Variants in COL19A1 observed in about 807,000 individuals in gnomAD.
COL19A1 encodes collagen alpha-1(XIX) chain.
COL19A1 carries 159 observed loss-of-function variants against 190.2 expected under a neutral mutation model. The ratio of observed to expected loss-of-function variants is 0.84; its 90% CI spans 0.73 to 0.95. The LOEUF (loss-of-function observed/expected upper bound fraction) is 0.95. Among genes scored for constraint, COL19A1 ranks in the 40% least tolerant of loss-of-function variants. The pLI is 0.00. For synonymous variants in COL19A1, 509 were observed against 458.9 expected (o/e 1.11, Z -1.39); for missense variants, 1,418 against 1,431.9 (o/e 0.99, Z 0.16).
intron 14 of COL19A1, among the ~76,000 whole-genome samples, chr6:70,061,889 TG>T (rs1780851882): frequency 1.3e-5 from 2 of 152,280 alleles, no homozygotes; most frequent in East Asian, 1.9e-4. Flanking sequence ...AATTAATACT[TG>T]TTATATTTGA....
chr6:69,991,699 T>C (rs1776634149), intron 11 of COL19A1, among the ~76,000 whole-genome samples: 2 of 152,084 alleles, frequency 1.3e-5, no homozygotes, highest in African/African-American at 4.8e-5. Flanking sequence ...TTAAGAAGTG[T>C]CCTGTTCACG....
intron 4 of COL19A1, among the ~76,000 whole-genome samples, chr6:69,905,471 G>C (rs1470420794): frequency 1.3e-5 from 2 of 152,050 alleles, no homozygotes; most frequent in South Asian, 2.1e-4. Context: ...GCCGTGTCCT[G>C]GCTCCCCGCT....
At chr6:69,956,622 T>C (rs1409576135) in intron 9 of COL19A1, among the ~76,000 whole-genome samples, 2 of 152,090 alleles carry the variant, frequency 1.3e-5, no homozygotes, top group East Asian at 3.9e-4. Context: ...GTCAGTAATG[T>C]AGAGGTCACC....
intron 39 of COL19A1, 110 bp downstream of exon 39, chr6:70,168,325 C>A: frequency 2.8e-6 from 3 of 1,054,970 alleles, no homozygotes; most frequent in Non-Finnish European, 2.8e-6. Flanking sequence ...TGAATACAGC[C>A]AAATTTTACA....
At position 70,149,890 on chromosome 6, in the gene COL19A1, A is replaced by T. The variant is rs772462484; in HGVS notation, c.1969A>T (p.Thr657Ser). Residue 657 changes from threonine to serine, a missense_variant, in exon 29 of 51, where the codon ACT (threonine) becomes TCT (serine). Coordinates refer to ENST00000620364, the MANE Select transcript of COL19A1 (RefSeq NM_001858.6). ...GLPGLPGTPGTPGNDGVPGRD... is the reference protein window; with the variant it reads ...GLPGLPGTPGSPGNDGVPGRD... ...CCCTGGGTTGCCAGGAACTCCAGGGACTCCAGGGAATGATGTAAGGACTTT... is the reference window on the plus strand; with the variant it reads ...CCCTGGGTTGCCAGGAACTCCAGGGTCTCCAGGGAATGATGTAAGGACTTT... 6.2e-7 allele frequency: 1 copy of T among 1,613,382 alleles called. No homozygotes were observed. Among genetic ancestry groups the T allele is most frequent in the Non-Finnish European group, 8.5e-7 (1 of 1,179,726 alleles).
intron 15 of COL19A1, among the ~76,000 whole-genome samples, chr6:70,071,750 G>A (rs1348516134): frequency 6.6e-6 from 1 of 152,026 alleles, no homozygotes; most frequent in Non-Finnish European, 1.5e-5. Context: ...GGCATTGGGG[G>A]TTGGGGGCCT....
intron 14 of COL19A1, among the ~76,000 whole-genome samples, chr6:70,055,396 A>T (rs1431331490): frequency 1.6e-5 from 2 of 127,784 alleles, no homozygotes; most frequent in African/African-American, 4.1e-5. Flanking sequence ...TTGTAATAGT[A>T]AAAAAAAAAA....
intron 17 of COL19A1, among the ~76,000 whole-genome samples, chr6:70,126,601 G>T (rs569021351): frequency 6.6e-6 from 1 of 152,338 alleles, no homozygotes; most frequent in South Asian, 2.1e-4. Flanking sequence ...GTTCGGCTTT[G>T]AGCCAGCCTT....
intron 9 of COL19A1, among the ~76,000 whole-genome samples, chr6:69,955,259 G>C (rs557485237): frequency 6.6e-6 from 1 of 152,070 alleles, no homozygotes; most frequent in Admixed American, 6.6e-5. Context: ...TAATTCTCTA[G>C]CTTTGCTATG....
intron 16 of COL19A1, among the ~76,000 whole-genome samples, chr6:70,116,401 G>A (rs1405015919): frequency 6.6e-6 from 1 of 152,192 alleles, no homozygotes; most frequent in Non-Finnish European, 1.5e-5. Context: ...AGATACTGCA[G>A]ACTGTAGTGT....
intron 13 of COL19A1, 133 bp downstream of exon 13, chr6:70,034,431 A>G (rs1779235159): frequency 4.5e-6 from 3 of 665,012 alleles, no homozygotes; most frequent in Admixed American, 2.5e-5. Flanking sequence ...CCTTAATAGC[A>G]TCTGAATAAG....
At chr6:70,177,181 C>T (rs1233337322) in intron 42 of COL19A1, among the ~76,000 whole-genome samples, 2 of 152,138 alleles carry the variant, frequency 1.3e-5, no homozygotes, top group South Asian at 2.1e-4. Flanking sequence ...GATCTTCATT[C>T]ATGATGCTCT....
intron 48 of COL19A1, among the ~76,000 whole-genome samples, chr6:70,196,059 T>C (rs976531292): frequency 2.6e-5 from 4 of 152,124 alleles, no homozygotes; most frequent in African/African-American, 4.8e-5. Context: ...CAGAGACAAG[T>C]GAAGTAGTAA....
chr6:70,156,420 G>A, intron 33 of COL19A1, 51 bp downstream of exon 33: 1 of 1,551,976 alleles, frequency 6.4e-7, no homozygotes, highest in East Asian at 2.2e-5. Context: ...AATTTAGTAT[G>A]AAAAAAAGAA....
At chr6:69,994,977 C>T (rs1047448718) in intron 11 of COL19A1, among the ~76,000 whole-genome samples, 1 of 152,178 alleles carries the variant, frequency 6.6e-6, no homozygotes, top group Non-Finnish European at 1.5e-5. Context: ...TATCTCTCTA[C>T]CCAGGACTTT....
chr6:70,022,317 C>T (rs1277257699), intron 11 of COL19A1, among the ~76,000 whole-genome samples: 3 of 152,008 alleles, frequency 2.0e-5, no homozygotes, highest in African/African-American at 4.8e-5. Context: ...AAACACCTTA[C>T]TGATTGTACA....
intron 2 of COL19A1, among the ~76,000 whole-genome samples, chr6:69,889,645 CA>C (rs1374070001): frequency 6.6e-6 from 1 of 152,014 alleles, no homozygotes; most frequent in Admixed American, 6.6e-5. Context: ...GTAAATGCAC[CA>C]ATCAGCGCTC....
At chr6:69,892,169 G>A (rs1335766938) in intron 2 of COL19A1, among the ~76,000 whole-genome samples, 16 of 152,168 alleles carry the variant, frequency 1.1e-4, no homozygotes, top group Admixed American at 9.2e-4. Flanking sequence ...GGAAACCTCC[G>A]AGTGGTGGGT....
chr6:70,176,255 A>T (rs1765797940), intron 41 of COL19A1, among the ~76,000 whole-genome samples: 2 of 152,202 alleles, frequency 1.3e-5, no homozygotes, highest in African/African-American at 4.8e-5. Context: ...TAGGTCACAG[A>T]AATGATTATG....
Sources: allele counts gnomAD v4.1 joint callset (sites outside exome capture counted in the v4.1 genomes callset), GRCh38; gene constraint gnomAD v4.1.1; transcripts MANE v1.5; gene names NCBI Gene and HGNC (gene_info 2026-07-23, HGNC 2026-07-21).